ANO1: variants seen among roughly 807,000 people sequenced by gnomAD.
The protein encoded by ANO1 is anoctamin-1.
A neutral mutation model predicts 124.0 loss-of-function variants in ANO1; 59 were observed. That is an observed-to-expected ratio of 0.48 (90% CI 0.39 to 0.59). The LOEUF (loss-of-function observed/expected upper bound fraction) is 0.59, where lower values mean the gene tolerates loss of function less well. Among genes scored for constraint, ANO1 ranks in the 20% least tolerant of loss-of-function variants. The probability of loss-of-function intolerance (pLI) is 0.00; values close to 1 mark genes in which losing one functional copy is unlikely to be tolerated. For synonymous variants in ANO1, 529 were observed against 532.0 expected (o/e 0.99, Z 0.08); for missense variants, 1,059 against 1,328.0 (o/e 0.80, Z 3.15).
At chr11:70,100,753 A>T (rs1448494156) in intron 2 of ANO1, among the ~76,000 whole-genome samples, 1 of 152,230 alleles carries the variant, frequency 6.6e-6, no homozygotes, top group Non-Finnish European at 1.5e-5. Flanking sequence ...GGATAAAATG[A>T]GTTGATATGC....
At chr11:70,044,373 AG>A (rs1857226869) in intron 1 of ANO1, among the ~76,000 whole-genome samples, 1 of 152,160 alleles carries the variant, frequency 6.6e-6, no homozygotes, top group Non-Finnish European at 1.5e-5. Context: ...CAGAGATTAT[AG>A]TTTGAATCAA....
chr11:69,971,822 C>T, the ANO1 span, among the ~76,000 whole-genome samples: 5 of 152,214 alleles, frequency 3.3e-5, no homozygotes, highest in Middle Eastern at 3.4e-3. Context: ...TCACGACTGC[C>T]GGAAAGGTGA....
At chr11:70,083,412 CCA>C (rs1416665061) in intron 1 of ANO1, among the ~76,000 whole-genome samples, 1 of 151,936 alleles carries the variant, frequency 6.6e-6, no homozygotes, top group Non-Finnish European at 1.5e-5. Flanking sequence ...AGGAGGATGC[CCA>C]CTCTTGATCA....
Position 70,187,817 on chromosome 11 carries a change from A to T in ANO1, c.2774A>T (p.Lys925Met), listed in dbSNP as rs370788909. 5.8e-5 allele frequency: 93 copies of T among 1,609,556 alleles called. No homozygotes were observed. Among genetic ancestry groups the T allele is most frequent in the Non-Finnish European group, 7.0e-5 (83 of 1,178,220 alleles). Reference protein sequence around the residue: ...IPKDISQQIHKEKVLMVELFM... With the variant: ...IPKDISQQIHMEKVLMVELFM... ...AAGGACATCAGCCAGCAGATCCACA[A>T]GGAGAAGGTGCTCATGGTGGAGCTG... The change falls in exon 26 of 26, where the codon AAG becomes ATG. Residue 925 changes from lysine to methionine, a missense_variant. This residue lies in a region of ANO1 where 809 missense variants were observed against 1,094.9 expected (regional missense o/e 0.74). Transcript: ENST00000355303.
chr11:70,077,917 C>T (rs538902842), upstream of ANO1, among the ~76,000 whole-genome samples: 1 of 152,032 alleles, frequency 6.6e-6, no homozygotes, highest in Non-Finnish European at 1.5e-5. Flanking sequence ...GGGGGCGGGT[C>T]GGCAGGAACC....
At chr11:70,010,179 G>GTATGTGTGTGTATATATATATATATA (rs1188271051) in intron 1 of ANO1, among the ~76,000 whole-genome samples, 7,492 of 82,956 alleles carry the variant, frequency 0.09, 1,371 homozygotes, top group East Asian at 0.18. Flanking sequence ...GTGTGTGTGT[G>GTATGTGTGTGTATATATATATATATA]TATATATATA....
chr11:70,163,333 T>A lies in ANO1; in HGVS notation c.1943T>A (p.Met648Lys). 1 of 1,614,032 alleles carries A rather than the reference T, an allele frequency of 6.2e-7. No individual in the cohort carries two copies. The highest frequency in any genetic ancestry group is 1.1e-5 in the South Asian group (1 of 91,084). ...DYVYIFRSFR[M>K]EECAPGGCLM... ...GTGTACATTTTCCGTTCCTTCCGAA[T>A]GGAAGAGGTAACCGAAATTTTATTC... is the stretch of plus-strand genomic sequence containing the variant. The change falls in exon 19 of 26, where the codon ATG (methionine) becomes AAG (lysine). Residue 648 changes from methionine (M) to lysine (K), a missense_variant. Physicochemically the swap from Met to Lys is moderately conservative, Grantham distance 95. Transcript: ENST00000355303.
intron 1 of ANO1, among the ~76,000 whole-genome samples, chr11:70,051,723 A>AT (rs1857352091): frequency 6.6e-6 from 1 of 152,192 alleles, no homozygotes; most frequent in Admixed American, 6.5e-5. Flanking sequence ...TCATGCAAGA[A>AT]TTTTTTTAAA....
intron 21 of ANO1, among the ~76,000 whole-genome samples, chr11:70,169,492 C>T (rs905470503): frequency 6.6e-6 from 1 of 151,190 alleles, no homozygotes; most frequent in Non-Finnish European, 1.5e-5. Context: ...CTGGCAGCGC[C>T]TCCAGCTCCC....
intron 1 of ANO1, among the ~76,000 whole-genome samples, chr11:70,071,068 C>T (rs1565173835): frequency 6.6e-6 from 1 of 152,186 alleles, no homozygotes; most frequent in Non-Finnish European, 1.5e-5. Flanking sequence ...CCTCCTGGAT[C>T]TCTTTCTGGT....
At position 70,182,619 on chromosome 11, in the gene ANO1, A is replaced by G; in HGVS notation, c.2521A>G (p.Ser841Gly). 6.2e-7 allele frequency: 1 copy of G among 1,613,564 alleles called. No individual in the cohort carries two copies. The highest frequency in any genetic ancestry group is 1.1e-5 in the South Asian group (1 of 91,038). The change falls in exon 24 of 26, where the codon AGT becomes GGT. Residue 841 changes from serine (S) to glycine (G), a missense_variant. Transcript: ENST00000355303. ...VNHTLSSFNVSDFQNGTAPND... is the reference protein window; with the variant it reads ...VNHTLSSFNVGDFQNGTAPND... ...CCACACCCTCTCCTCCTTCAACGTC[A>G]GTGACTTCCAGAACGGCACGGCCCC... is the stretch of plus-strand genomic sequence containing the variant.
At chr11:70,079,471 C>T (rs2135170903) in intron 1 of ANO1, among the ~76,000 whole-genome samples, 1 of 152,070 alleles carries the variant, frequency 6.6e-6, no homozygotes. Flanking sequence ...CAGGGCCAGA[C>T]CCAGAGGTCT....
At chr11:70,094,731 C>T (rs186882142) in intron 2 of ANO1, among the ~76,000 whole-genome samples, 225 of 152,300 alleles carry the variant, frequency 1.5e-3, no homozygotes, top group Non-Finnish European at 2.8e-3. Context: ...ATGTTAGGAA[C>T]CTCTAGTCTA....
chr11:70,027,862 G>A (rs927100071), intron 1 of ANO1, among the ~76,000 whole-genome samples: 8 of 152,150 alleles, frequency 5.3e-5, no homozygotes, highest in South Asian at 4.1e-4. Context: ...CCACGGAGGC[G>A]CATCCTTAGA....
the ANO1 span, among the ~76,000 whole-genome samples, chr11:69,978,797 GA>G: frequency 3.3e-5 from 5 of 152,178 alleles, no homozygotes; most frequent in Non-Finnish European, 7.3e-5. Flanking sequence ...CATGTGAGGA[GA>G]AAACCCCTCA....
intron 20 of ANO1, among the ~76,000 whole-genome samples, chr11:70,166,125 C>T (rs2135736121): frequency 6.6e-6 from 1 of 152,098 alleles, no homozygotes; most frequent in South Asian, 2.1e-4. Context: ...CGAGACCAGC[C>T]TGGCCAACAT....
intron 10 of ANO1, among the ~76,000 whole-genome samples, chr11:70,131,452 C>A (rs996698883): frequency 6.6e-6 from 1 of 152,124 alleles, no homozygotes; most frequent in Non-Finnish European, 1.5e-5. Flanking sequence ...CTCAGCCTCC[C>A]GAGTAGCTGG....
intron 1 of ANO1, among the ~76,000 whole-genome samples, chr11:70,025,824 A>ATGG: frequency 1.4e-5 from 1 of 71,116 alleles, no homozygotes; most frequent in East Asian, 4.4e-4. Context: ...GGTGATGATG[A>ATGG]TGGTGGTGGT....
intron 24 of ANO1, among the ~76,000 whole-genome samples, chr11:70,184,671 C>T (rs79580076): frequency 0.038 from 5,833 of 152,306 alleles, 391 homozygotes; most frequent in African/African-American, 0.13. Context: ...TTCGTTCTTT[C>T]GCAAATGTTT....
Sources: gnomAD v4.1 joint callset for allele counts (sites outside exome capture counted in the v4.1 genomes callset) on GRCh38, gnomAD v4.1.1 for gene constraint, gnomAD v4.1.1 regional missense constraint, MANE v1.5 for transcripts, NCBI Gene and HGNC (gene_info 2026-07-23, HGNC 2026-07-21) for gene names.